APC2: variants seen among roughly 807,000 people sequenced by gnomAD.
APC2 encodes the protein APC regulator of Wnt signaling pathway 2, also known as adenomatous polyposis coli protein 2.
A neutral mutation model predicts 72.5 loss-of-function variants in APC2; 41 were observed. The ratio of observed to expected loss-of-function variants is 0.57; its 90% CI spans 0.44 to 0.73. The LOEUF (loss-of-function observed/expected upper bound fraction) is 0.73, where lower values mean the gene tolerates loss of function less well. APC2 is among the 30% of genes least tolerant of loss of function. The pLI is 0.00. For missense variants in APC2, 3,729 were observed against 3,403.4 expected, an observed-to-expected ratio of 1.10 and a Z score of -2.38; for synonymous variants, 1,898 against 1,612.0, an observed-to-expected ratio of 1.18 and a Z score of -4.25.
At chr19:1,449,955 C>T (rs2083722739), upstream of APC2, among the ~76,000 whole-genome samples, 2 of 152,168 alleles carry the variant, frequency 1.3e-5, no homozygotes, top group South Asian at 4.1e-4. Context: ...GGGGTTTCGC[C>T]CCCCGCACTC....
In APC2 at chr19:1,452,996, C is replaced by A; in HGVS notation, c.-6C>A. ...CCTGTGATCCCAGACGCTGCAGGAG[C>A]TGAAGATGGCGAGCTCCGTGGCGCC... On this transcript the variant is annotated 5_prime_UTR_variant, in exon 2 of 15. The change creates a new upstream start codon in the 5' untranslated region. Transcript: ENST00000590469. This position sits in a 1 kb window ranked among gnomAD's most constrained non-coding sequence, Gnocchi z 5.1. The A allele has an allele frequency of 1.9e-6, 3 of 1,610,980 alleles. No homozygotes were observed. Among genetic ancestry groups the A allele is most frequent in the Non-Finnish European group, 2.5e-6 (3 of 1,179,894 alleles).
intron 4 of APC2, among the ~76,000 whole-genome samples, chr19:1,454,563 C>CTTT (rs71174371): frequency 0.042 from 4,823 of 116,088 alleles, 582 homozygotes; most frequent in African/African-American, 0.16. Context: ...ATCTTTTGTA[C>CTTT]TTTTTTTTTT....
Position 1,460,267 on chromosome 19 carries a change from C to T in APC2, c.1390C>T (p.Arg464Cys), listed in dbSNP as rs1251978561. ...GGACCCGCTGAACCTGGCGCTGCGC[C>T]GCTACGCGGGCATGACCCTCACCAA... ...TRDPLNLALR[R>C]YAGMTLTNLT... Residue 464 changes from arginine to cysteine, a missense_variant, in exon 11 of 15, where the codon CGC (arginine) becomes TGC (cysteine). Coordinates refer to ENST00000590469, the MANE Select transcript of APC2 (RefSeq NM_005883.3). The T allele has an allele frequency of 3.7e-6, 6 of 1,613,408 alleles. No homozygotes were observed. The highest frequency in any genetic ancestry group is 3.4e-6 in the Non-Finnish European group (4 of 1,180,018).
rs2084157886 is a variant in APC2, at chr19:1,472,838, G to A, written c.*2625G>A. ...CCTCGTCTGCCCCCCAATGCTCCAG[G>A]GCCAGTCCTAAGGAGCTGAGGGTCT... is the stretch of plus-strand genomic sequence containing the variant. On this transcript the variant is annotated 3_prime_UTR_variant, in exon 15 of 15. Transcript: ENST00000590469. 6.6e-6 allele frequency: 1 copy of A among 152,350 alleles called. No homozygotes were observed. Among genetic ancestry groups the A allele is most frequent in the African/African-American group, 2.4e-5 (1 of 41,444 alleles). The allele number at this position is 152,350 out of a possible 1,614,324, so 9.4% of individuals were successfully genotyped here. A position where few individuals can be genotyped will look rare whatever the true frequency, so the allele number is the denominator to read the frequency against.
intron 13 of APC2, chr19:1,461,744 C>G (rs974781202): frequency 7.2e-6 from 4 of 555,886 alleles, no homozygotes; most frequent in Admixed American, 3.4e-5. Context: ...CCCAGCTACT[C>G]CGGAGGCTGA....
chr19:1,460,692 C>G (rs2083908372), intron 11 of APC2, 88 bp from the exon 12 acceptor site: 1 of 1,345,046 alleles, frequency 7.4e-7, no homozygotes, highest in Non-Finnish European at 1.0e-6. Context: ...GAGTTTGCAG[C>G]TGCAGCACAC....
At chr19:1,463,962 G>A (rs988540850) in intron 14 of APC2, among the ~76,000 whole-genome samples, 2 of 151,630 alleles carry the variant, frequency 1.3e-5, no homozygotes, top group Non-Finnish European at 2.9e-5. Context: ...ATCACCTGAG[G>A]TCAGGAGTTT....
In APC2 at chr19:1,470,024, C is replaced by T; in HGVS notation, c.6723C>T (p.Ser2241=). The T allele has an allele frequency of 1.9e-6, 3 of 1,557,388 alleles. No homozygotes were observed. The highest frequency in any genetic ancestry group is 2.6e-6 in the Non-Finnish European group (3 of 1,157,076). Residue 2241 remains serine, a synonymous_variant, in exon 15 of 15, where the codon TCC becomes TCT. Transcript: ENST00000590469. ...DGPSLAKAPI[S]APFVHEGLGV... ...CCAGCCTCGCCAAGGCTCCCATCTCCGCACCCTTCGTGCACGAGGGCCTGG... is the reference window on the plus strand; with the variant it reads ...CCAGCCTCGCCAAGGCTCCCATCTCTGCACCCTTCGTGCACGAGGGCCTGG...
chr19:1,461,887 C>T lies in APC2; in HGVS notation c.1639-76C>T. The T allele has an allele frequency of 4.7e-6, 6 of 1,268,448 alleles. No individual in the cohort carries two copies. In the South Asian group the frequency reaches 6.8e-5, roughly 14 times the overall value. 78.6% of individuals were successfully genotyped at this position (1,268,448 alleles called of 1,614,324 possible). ...AACAAAAAACAAAAAAACCCAACTT[C>T]ACTGAATGTGAGCGTGGGAGCCTTT... On this transcript the variant is annotated intron_variant, in intron 13 of 14. Coordinates refer to ENST00000590469, the MANE Select transcript of APC2 (RefSeq NM_005883.3).
chr19:1,462,303 A>C, intron 14 of APC2, 126 bp downstream of exon 14: 6 of 852,452 alleles, frequency 7.0e-6, no homozygotes, highest in Non-Finnish European at 1.1e-5. Context: ...TGTTTGCAGC[A>C]TAAATACGTC....
At position 1,455,179 on chromosome 19, in the gene APC2, G is replaced by C; in HGVS notation, c.444G>C (p.Glu148Asp). The C allele has an allele frequency of 6.3e-7, 1 of 1,577,954 alleles. No homozygotes were observed. The highest frequency in any genetic ancestry group is 8.5e-7 in the Non-Finnish European group (1 of 1,170,588). Residue 148 changes from glutamate to aspartate, a missense_variant, in exon 5 of 15, where the codon GAG becomes GAC. Coordinates refer to ENST00000590469, the MANE Select transcript of APC2 (RefSeq NM_005883.3). Reference sequence around the variant, plus strand: ...TCCTGCTGAATGAGATTGAGAAGGAGGAGAAGGAGAAGCTCTGGTACTACT... The same window carrying C: ...TCCTGCTGAATGAGATTGAGAAGGACGAGAAGGAGAAGCTCTGGTACTACT... Reference protein sequence around the residue: ...RCFLLNEIEKEEKEKLWYYSQ... With the variant: ...RCFLLNEIEKDEKEKLWYYSQ...
At position 1,456,968 on chromosome 19, in the gene APC2, C is replaced by T. The variant is rs1568169237; in HGVS notation, c.932C>T (p.Ser311Leu). 1.9e-6 allele frequency: 3 copies of T among 1,539,834 alleles called. No homozygotes were observed. The highest frequency in any genetic ancestry group is 1.2e-5 in the South Asian group (1 of 84,328). Residue 311 changes from serine (S) to leucine (L), a missense_variant, in exon 9 of 15, where the codon TCG (serine) becomes TTG (leucine). Transcript: ENST00000590469. ...SPESCVAMRR[S>L]GCLPLLLQIL... ...GAGAGCTGCGTGGCCATGCGCCGCT[C>T]GGGCTGTCTGCCTCTGCTGCTGCAA...
Position 1,450,271 on chromosome 19 carries a change from C to G in APC2, c.-86C>G. 1.0e-6 allele frequency: 1 copy of G among 985,440 alleles called. No individual in the cohort carries two copies. Among genetic ancestry groups the G allele is most frequent in the Non-Finnish European group, 1.2e-6 (1 of 829,924 alleles). 61.0% of individuals were successfully genotyped at this position (985,440 alleles called of 1,614,324 possible). On this transcript the variant is annotated 5_prime_UTR_variant, in exon 1 of 15. Transcript: ENST00000590469. ...CCGGGCCGGGATTTCCGGTGGGGCC[C>G]GCGGAGCCGCGCAGAGGGAGGAGGC...
At chr19:1,458,111 G>A in intron 10 of APC2, 51 bp downstream of exon 10, 1 of 1,507,490 alleles carries the variant, frequency 6.6e-7, no homozygotes, top group Non-Finnish European at 9.0e-7. Flanking sequence ...CCGAACAGGT[G>A]GTGGCTCCTC....
intron 14 of APC2, among the ~76,000 whole-genome samples, chr19:1,464,411 C>G (rs1006961712): frequency 6.6e-6 from 1 of 151,438 alleles, no homozygotes; most frequent in African/African-American, 2.4e-5. Context: ...TTATTTTTAC[C>G]TGGTCATCGT....
chr19:1,458,374 G>A (rs2083871630), intron 10 of APC2: 1 of 382,602 alleles, frequency 2.6e-6, no homozygotes, highest in Non-Finnish European at 4.8e-6. Flanking sequence ...GACAGGCCCA[G>A]AATTGGAACT....
chr19:1,455,244 C>A lies in APC2; in HGVS notation c.509C>A (p.Pro170Gln), dbSNP rs558389908. 3.2e-6 allele frequency: 5 copies of A among 1,575,928 alleles called. No homozygotes were observed. Among genetic ancestry groups the A allele is most frequent in the East Asian group, 2.3e-5 (1 of 42,998 alleles). Residue 170 changes from proline (P) to glutamine (Q), a missense_variant, in exon 5 of 15, where the codon CCG becomes CAG. Transcript: ENST00000590469. Reference sequence around the variant, plus strand: ...CTGTCCAAGCGCCTGGACGAGCTGCCGCACGTGGAGACGGTGAGCCGGCCG... The same window carrying A: ...CTGTCCAAGCGCCTGGACGAGCTGCAGCACGTGGAGACGGTGAGCCGGCCG... Reference protein sequence around the residue: ...QGLSKRLDELPHVETQFSMQM... With the variant: ...QGLSKRLDELQHVETQFSMQM...
Position 1,467,287 on chromosome 19 carries a change from G to A in APC2, c.3986G>A (p.Gly1329Asp). 1.5e-5 allele frequency: 20 copies of A among 1,323,444 alleles called. No homozygotes were observed. Among genetic ancestry groups the A allele is most frequent in the Non-Finnish European group, 1.9e-5 (20 of 1,041,348 alleles). The allele number at this position is 1,323,444 out of a possible 1,614,324, so 82.0% of individuals were successfully genotyped here. A position where few individuals can be genotyped will look rare whatever the true frequency, so the allele number is the denominator to read the frequency against. The change falls in exon 15 of 15, where the codon GGT becomes GAT. Residue 1329 changes from glycine to aspartate, a missense_variant. Gly to Asp is a moderately conservative substitution (Grantham distance 94). Transcript: ENST00000590469. ...RRREEGPAPT[G>D]SRPRGAADQE... ...CGGGAGGAGGGGCCGGCGCCCACGG[G>A]TTCTCGCCCTCGCGGCGCCGCGGAC...
upstream of APC2, among the ~76,000 whole-genome samples, chr19:1,448,245 G>A (rs950955817): frequency 6.6e-6 from 1 of 152,090 alleles, no homozygotes; most frequent in Non-Finnish European, 1.5e-5. Flanking sequence ...AGCCTGGAAC[G>A]CCTCTCCTCC....
Sources: gnomAD v4.1 joint callset for allele counts (sites outside exome capture counted in the v4.1 genomes callset) on GRCh38, gnomAD v4.1.1 for gene constraint, Gnocchi (gnomAD v3.1) non-coding constraint, MANE v1.5 for transcripts, NCBI Gene and HGNC (gene_info 2026-07-23, HGNC 2026-07-21) for gene names.